GALNT13: variants seen among roughly 807,000 people sequenced by gnomAD.
GALNT13 encodes UDP-GalNAc:polypeptide N-acetylgalactosaminyltransferase 13.
A neutral mutation model predicts 64.2 loss-of-function variants in GALNT13; 28 were observed. The ratio of observed to expected loss-of-function variants is 0.44; its 90% CI spans 0.32 to 0.60. The LOEUF (loss-of-function observed/expected upper bound fraction) is 0.60. Among genes scored for constraint, GALNT13 ranks in the 20% least tolerant of loss-of-function variants. GALNT13 has a pLI of 0.05. For synonymous variants in GALNT13, 214 were observed against 224.6 expected (o/e 0.95, Z 0.42); for missense variants, 577 against 669.8 (o/e 0.86, Z 1.53).
At chr2:153,745,240 C>A in the GALNT13 span, among the ~76,000 whole-genome samples, 1 of 152,030 alleles carries the variant, frequency 6.6e-6, no homozygotes, top group South Asian at 2.1e-4. Context: ...AATGAAGAAG[C>A]GAGAGCTGGT....
chr2:154,272,416 C>G (rs755925994), intron 8 of GALNT13, among the ~76,000 whole-genome samples: 2 of 152,014 alleles, frequency 1.3e-5, no homozygotes, highest in Non-Finnish European at 2.9e-5. Flanking sequence ...AGACCAATGT[C>G]TAAAATGTCA....
At chr2:153,687,564 A>C in the GALNT13 span, among the ~76,000 whole-genome samples, 7 of 151,872 alleles carry the variant, frequency 4.6e-5, no homozygotes, top group African/African-American at 7.3e-5. Flanking sequence ...GAAAGCATTT[A>C]ATTTCTTTTC....
the GALNT13 span, among the ~76,000 whole-genome samples, chr2:153,112,127 T>G: frequency 6.6e-6 from 1 of 151,890 alleles, no homozygotes; most frequent in Non-Finnish European, 1.5e-5. Context: ...GGGGCAAGAG[T>G]GTGACATTTC....
chr2:154,287,109 G>A, intron 8 of GALNT13: 1 of 1,110,106 alleles, frequency 9.0e-7, no homozygotes, highest in Non-Finnish European at 1.4e-6. Context: ...CCTTTGGATG[G>A]CATGTCCTTG....
At chr2:153,120,918 G>A in the GALNT13 span, among the ~76,000 whole-genome samples, 5 of 152,166 alleles carry the variant, frequency 3.3e-5, no homozygotes, top group South Asian at 2.1e-4. Flanking sequence ...TAGTTATTGC[G>A]TGATCTGCTC....
chr2:154,067,285 T>A (rs762807196), intron 3 of GALNT13, among the ~76,000 whole-genome samples: 1 of 152,042 alleles, frequency 6.6e-6, no homozygotes, highest in Non-Finnish European at 1.5e-5. Flanking sequence ...CATCCTTACT[T>A]ATCAATGGTA....
intron 3 of GALNT13, among the ~76,000 whole-genome samples, chr2:154,132,692 G>A (rs927386361): frequency 6.6e-6 from 1 of 151,694 alleles, no homozygotes; most frequent in East Asian, 1.9e-4. Context: ...TCAAGACCAA[G>A]CTGGCCAACT....
chr2:153,365,891 G>T, the GALNT13 span, among the ~76,000 whole-genome samples: 1 of 152,118 alleles, frequency 6.6e-6, no homozygotes, highest in Admixed American at 6.5e-5. Flanking sequence ...CCACTACTGG[G>T]TATATACCTA....
chr2:153,457,891 C>A, the GALNT13 span, among the ~76,000 whole-genome samples: 1 of 152,216 alleles, frequency 6.6e-6, no homozygotes, highest in Admixed American at 6.5e-5. Flanking sequence ...ACCTCATGAT[C>A]ACCTCATGTT....
At chr2:153,400,515 T>C in the GALNT13 span, among the ~76,000 whole-genome samples, 1 of 152,196 alleles carries the variant, frequency 6.6e-6, no homozygotes, top group African/African-American at 2.4e-5. Context: ...AGTTCCTCCT[T>C]GTACCTCTGG....
chr2:153,348,416 T>G, the GALNT13 span, among the ~76,000 whole-genome samples: 1 of 152,184 alleles, frequency 6.6e-6, no homozygotes, highest in Non-Finnish European at 1.5e-5. Flanking sequence ...AAGGTATACT[T>G]TGTGAATTCA....
At chr2:153,631,787 G>T in the GALNT13 span, among the ~76,000 whole-genome samples, 3 of 152,096 alleles carry the variant, frequency 2.0e-5, no homozygotes, top group Non-Finnish European at 4.4e-5. Context: ...AGTTTCTTTT[G>T]CTGTGCAGAA....
chr2:154,264,551 C>T (rs148123454), intron 8 of GALNT13, among the ~76,000 whole-genome samples: 1,947 of 151,514 alleles, frequency 0.013, 25 homozygotes, highest in Middle Eastern at 0.02. Context: ...GTAGAAGAAT[C>T]GCTTGAACCC....
chr2:153,572,702 C>G, the GALNT13 span, among the ~76,000 whole-genome samples: 1 of 151,992 alleles, frequency 6.6e-6, no homozygotes, highest in Non-Finnish European at 1.5e-5. Flanking sequence ...CATTGACCCA[C>G]TGGTCGTTCA....
chr2:154,232,222 A>T (rs1055039855), intron 4 of GALNT13, among the ~76,000 whole-genome samples: 1 of 152,132 alleles, frequency 6.6e-6, no homozygotes, highest in Non-Finnish European at 1.5e-5. Flanking sequence ...CTTATTAAAT[A>T]TATTTTGTGA....
chr2:154,130,568 A>G (rs1468036284), intron 3 of GALNT13, among the ~76,000 whole-genome samples: 1 of 152,180 alleles, frequency 6.6e-6, no homozygotes, highest in African/African-American at 2.4e-5. Flanking sequence ...TTTACTTCCA[A>G]AAAGGACTTG....
the GALNT13 span, among the ~76,000 whole-genome samples, chr2:153,834,593 A>G: frequency 6.6e-6 from 1 of 152,156 alleles, no homozygotes; most frequent in African/African-American, 2.4e-5. Context: ...CAATTTATAA[A>G]TATTGGGAGT....
At chr2:154,024,286 G>A (rs528887083) in intron 3 of GALNT13, among the ~76,000 whole-genome samples, 1 of 152,304 alleles carries the variant, frequency 6.6e-6, no homozygotes, top group East Asian at 1.9e-4. Context: ...ATCCTGCAGA[G>A]TGTTTTCCAA....
intron 3 of GALNT13, among the ~76,000 whole-genome samples, chr2:154,080,583 C>T (rs377094244): frequency 6.6e-6 from 1 of 151,518 alleles, no homozygotes; most frequent in African/African-American, 2.4e-5. Context: ...AGTGGAAGAG[C>T]GTGCACTTGA....
Sources: allele counts gnomAD v4.1 joint callset (sites outside exome capture counted in the v4.1 genomes callset), GRCh38; gene constraint gnomAD v4.1.1; transcripts MANE v1.5; gene names NCBI Gene and HGNC (gene_info 2026-07-23, HGNC 2026-07-21).